MMS19: variants seen among roughly 807,000 people sequenced by gnomAD.
MMS19 encodes the protein MMS19 cytosolic iron-sulfur assembly component, also known as MMS19 nucleotide excision repair protein homolog.
In MMS19, 77 loss-of-function variants were observed where a neutral mutation model predicts 129.8. The observed-to-expected ratio is 0.59, with a 90% CI of 0.49 to 0.72. The LOEUF is 0.72. MMS19 is among the 30% of genes least tolerant of loss of function. The pLI, the probability that MMS19 is intolerant of heterozygous loss-of-function variation, is 0.00. For missense variants in MMS19, 1,168 were observed against 1,266.3 expected (o/e 0.92, Z 1.18); for synonymous variants, 491 against 502.8 (o/e 0.98, Z 0.31).
rs571658218 is a variant in MMS19, at chr10:97,462,067, C to T, written c.2065G>A (p.Val689Met). 1.4e-5 allele frequency: 23 copies of T among 1,592,000 alleles called. No individual in the cohort carries two copies. The highest frequency in any genetic ancestry group is 2.3e-5 in the East Asian group (1 of 43,994). ...HIVPLFLDGN[V>M]SFLPENSFPS... is the part of the protein sequence containing the mutation. ...AAGCTGTTTTCAGGCAGAAAGGACA[C>T]GTTGCCATCCAAGAAGAGGGGCACA... The change falls in exon 21 of 31, where the codon GTG becomes ATG. Residue 689 changes from valine to methionine, a missense_variant. Val to Met is a conservative substitution (Grantham distance 21). Transcript: ENST00000438925.
chr10:97,459,886 A>T, intron 26 of MMS19, 145 bp from the exon 27 acceptor site: 1 of 990,920 alleles, frequency 1.0e-6, no homozygotes, highest in Non-Finnish European at 1.5e-6. Context: ...AGATACGCCC[A>T]TGAAAGGAAG....
chr10:97,460,562 A>T, intron 25 of MMS19, 133 bp downstream of exon 25: 1 of 795,086 alleles, frequency 1.3e-6, no homozygotes. Context: ...ACAGAGTAAG[A>T]CCCTGTCTCC....
chr10:97,465,639 C>T (rs2033299462), intron 18 of MMS19, among the ~76,000 whole-genome samples, 166 bp downstream of exon 18: 1 of 152,244 alleles, frequency 6.6e-6, no homozygotes, highest in Non-Finnish European at 1.5e-5. Context: ...TAAGTCCCAT[C>T]CCTCCTCAGA....
chr10:97,464,355 T>G (rs1233234510), intron 18 of MMS19, among the ~76,000 whole-genome samples: 1 of 152,168 alleles, frequency 6.6e-6, no homozygotes, highest in Non-Finnish European at 1.5e-5. Flanking sequence ...TCACAGGAAG[T>G]GCAAAGTCAG....
At chr10:97,465,727 C>G in intron 18 of MMS19, 78 bp downstream of exon 18, 1 of 1,377,346 alleles carries the variant, frequency 7.3e-7, no homozygotes, top group Non-Finnish European at 9.9e-7. Flanking sequence ...TTATGTATAG[C>G]TACAGCTAGA....
At chr10:97,460,668 G>C (rs1263281850) in intron 25 of MMS19, 27 bp downstream of exon 25, 3 of 1,566,472 alleles carry the variant, frequency 1.9e-6, no homozygotes, top group Admixed American at 3.7e-5. Context: ...TAGGTCCTGG[G>C]TTCTTCTGTC....
chr10:97,464,501 C>T (rs538400995), intron 18 of MMS19, among the ~76,000 whole-genome samples: 360 of 152,276 alleles, frequency 2.4e-3, no homozygotes, highest in Non-Finnish European at 3.6e-3. Context: ...GCTTCTCAAA[C>T]TCAACAGTCT....
chr10:97,492,618 G>A (rs2039104668), intron 1 of MMS19, among the ~76,000 whole-genome samples: 1 of 151,882 alleles, frequency 6.6e-6, no homozygotes, highest in African/African-American at 2.4e-5. Context: ...GGAGGCCGAG[G>A]CAGGTGGATT....
chr10:97,477,210 AC>A, intron 6 of MMS19, 136 bp downstream of exon 6: 1 of 1,519,806 alleles, frequency 6.6e-7, no homozygotes, highest in Non-Finnish European at 8.8e-7. Context: ...GAGGGAGCAG[AC>A]CCCCTCTTTC....
chr10:97,492,859 C>T (rs1475829752), intron 1 of MMS19, among the ~76,000 whole-genome samples: 2 of 44,962 alleles, frequency 4.4e-5, no homozygotes, highest in Non-Finnish European at 9.8e-5. Flanking sequence ...ACTTCATCTC[C>T]CAAAAAAAAA....
Position 97,458,662 on chromosome 10 carries a change from G to A in MMS19, c.*30C>T, listed in dbSNP as rs1272216682. Reference sequence around the variant, plus strand: ...ACAGTTAGTAATCCCAGGTTAGATTGTCAGAACAGTCTAGGCCAGGACTGA... The same window carrying A: ...ACAGTTAGTAATCCCAGGTTAGATTATCAGAACAGTCTAGGCCAGGACTGA... On this transcript the variant is annotated 3_prime_UTR_variant, in exon 31 of 31. Transcript: ENST00000438925. 1 of 1,591,704 alleles carries A rather than the reference G, an allele frequency of 6.3e-7. No individual in the cohort carries two copies. The highest frequency in any genetic ancestry group is 1.3e-5 in the African/African-American group (1 of 74,428).
At position 97,458,549 on chromosome 10, in the gene MMS19, C is replaced by T; in HGVS notation, c.*143G>A. 1 of 734,508 alleles carries T rather than the reference C, an allele frequency of 1.4e-6. No individual in the cohort carries two copies. The highest frequency in any genetic ancestry group is 2.2e-6 in the Non-Finnish European group (1 of 451,252). The allele number at this position is 734,508 out of a possible 1,614,324, so 45.5% of individuals were successfully genotyped here. On this transcript the variant is annotated 3_prime_UTR_variant, in exon 31 of 31. Transcript: ENST00000438925. ...TGGACTCTTATGTTCTTTGTACAGC[C>T]ATGCAACAGAGGCCTAGCATTTGTG...
chr10:97,483,953 A>G, intron 2 of MMS19, 150 bp downstream of exon 2: 1 of 521,256 alleles, frequency 1.9e-6, no homozygotes, highest in Non-Finnish European at 3.4e-6. Flanking sequence ...CAATTCAAAC[A>G]TATAGGCTTA....
chr10:97,493,626 T>C (rs532439276), intron 1 of MMS19, among the ~76,000 whole-genome samples: 2 of 152,182 alleles, frequency 1.3e-5, no homozygotes, highest in African/African-American at 4.8e-5. Flanking sequence ...AGAGATTGGG[T>C]TGGCATGAGA....
At position 97,466,795 on chromosome 10, in the gene MMS19, T is replaced by C. The variant is rs140602190; in HGVS notation, c.1404A>G (p.Thr468=). The C allele has an allele frequency of 1.9e-6, 3 of 1,614,040 alleles. No individual in the cohort carries two copies. Among genetic ancestry groups the C allele is most frequent in the Non-Finnish European group, 2.5e-6 (3 of 1,179,896 alleles). Residue 468 remains threonine, a synonymous_variant, in exon 15 of 31, where the codon ACA becomes ACG. Transcript: ENST00000438925. The part of the protein sequence containing the change: ...QLQLVGIRTL[T]VLGAQPDLLS... ...ATGTACCTGGCTGGGCACCCAAGAC[T>C]GTCAGTGTACGGATGCCAACAAGCT...
Position 97,477,838 on chromosome 10 carries a change from T to G in MMS19, c.423+17A>C, listed in dbSNP as rs1439207289. On this transcript the variant is annotated intron_variant, in intron 5 of 30. Transcript: ENST00000438925. ...GTAGAGACAGAGGAGAATACCAACA[T>G]GACTGTTATCCCTCACCTGTACATG... 1 of 1,574,816 alleles carries G rather than the reference T, an allele frequency of 6.3e-7. No homozygotes were observed. The highest frequency in any genetic ancestry group is 1.2e-5 in the South Asian group (1 of 85,124).
intron 1 of MMS19, among the ~76,000 whole-genome samples, chr10:97,493,670 G>A (rs2039327288): frequency 6.6e-6 from 1 of 152,198 alleles, no homozygotes; most frequent in South Asian, 2.1e-4. Context: ...TGGACCATGG[G>A]CCACTAACTT....
In MMS19 at chr10:97,476,929, G is replaced by A. The variant is rs2135401130; in HGVS notation, c.528C>T (p.Gly176=). The part of the protein sequence containing the change: ...LKSLGADFTF[G]FIQVMDGEKD... ...TTTCCCCATCCATCACCTGGATGAA[G>A]CCAAAGGTGAAGTCAGCTCCTAGGC... The change falls in exon 7 of 31, where the codon GGC becomes GGT. Residue 176 remains glycine (G), a synonymous_variant. Coordinates refer to ENST00000438925, the MANE Select transcript of MMS19 (RefSeq NM_022362.5). 1 of 1,613,910 alleles carries A rather than the reference G, an allele frequency of 6.2e-7. No individual in the cohort carries two copies. The highest frequency in any genetic ancestry group is 2.2e-5 in the East Asian group (1 of 44,888).
At chr10:97,491,655 A>T (rs1032915715) in intron 1 of MMS19, among the ~76,000 whole-genome samples, 1 of 151,860 alleles carries the variant, frequency 6.6e-6, no homozygotes, top group Admixed American at 6.6e-5. Flanking sequence ...CGTCTCAAAG[A>T]AAAAAAAAGA....
Sources: gnomAD v4.1 joint callset for allele counts (sites outside exome capture counted in the v4.1 genomes callset) on GRCh38, gnomAD v4.1.1 for gene constraint, MANE v1.5 for transcripts, NCBI Gene and HGNC (gene_info 2026-07-23, HGNC 2026-07-21) for gene names.